Variants in GRID1 observed in about 807,000 individuals in gnomAD.
GRID1 encodes glutamate receptor ionotropic, delta-1.
A neutral mutation model predicts 98.0 loss-of-function variants in GRID1; 28 were observed. The ratio of observed to expected loss-of-function variants is 0.29; its 90% CI spans 0.21 to 0.39. The LOEUF is 0.39. GRID1 is among the 10% of genes least tolerant of loss of function. The pLI is 1.00. For missense variants in GRID1, 1,111 were observed against 1,340.5 expected, an observed-to-expected ratio of 0.83 and a Z score of 2.67; for synonymous variants, 553 against 538.5, an observed-to-expected ratio of 1.03 and a Z score of -0.37.
intron 2 of GRID1, among the ~76,000 whole-genome samples, chr10:86,225,146 G>A (rs1309368064): frequency 3.3e-5 from 5 of 152,188 alleles, no homozygotes; most frequent in Non-Finnish European, 4.4e-5. Flanking sequence ...GAAGACAGAG[G>A]GGCGGGGAGG....
intron 13 of GRID1, among the ~76,000 whole-genome samples, chr10:85,634,932 C>T (rs946690585): frequency 3.8e-5 from 5 of 131,260 alleles, no homozygotes; most frequent in African/African-American, 1.4e-4. Context: ...CCCACATTTA[C>T]AGCCAGCACT....
chr10:85,930,695 T>C (rs1037469454), intron 4 of GRID1, among the ~76,000 whole-genome samples: 2 of 152,200 alleles, frequency 1.3e-5, no homozygotes, highest in African/African-American at 2.4e-5. Context: ...AGATTCACAG[T>C]GTGTAAGTTT....
At chr10:86,100,994 G>A (rs1340807119) in intron 4 of GRID1, among the ~76,000 whole-genome samples, 1 of 152,160 alleles carries the variant, frequency 6.6e-6, no homozygotes, top group East Asian at 1.9e-4. Context: ...GGTCACTGGT[G>A]ACTGATAGGG....
chr10:85,743,815 C>CT (rs1258944296), intron 8 of GRID1, among the ~76,000 whole-genome samples: 1 of 152,056 alleles, frequency 6.6e-6, no homozygotes, highest in Non-Finnish European at 1.5e-5. Flanking sequence ...ACTGGTGAAT[C>CT]TAACTACTGA....
rs543932966 is a variant in GRID1, at chr10:85,626,918, A to G, written c.2194-6885T>C. On this transcript the variant is annotated intron_variant, in intron 13 of 15. Transcript: ENST00000327946. ...AGAATTGAATGTTTTTAAAATGTGT[A>G]CATGCAGCGATTCTACCCGTGGGAT... 2.0e-5 allele frequency among the ~76,000 whole-genome samples: 3 copies of G among 152,320 alleles called. No individual in the cohort carries two copies. In the South Asian group the frequency reaches 6.2e-4, roughly 32 times the overall value.
intron 4 of GRID1, among the ~76,000 whole-genome samples, chr10:86,081,274 G>A (rs2131930501): frequency 6.6e-6 from 1 of 152,282 alleles, no homozygotes; most frequent in South Asian, 2.1e-4. Context: ...ATGCAAAGAG[G>A]GCCGTGCAGA....
chr10:86,042,221 C>T (rs1272587761), intron 4 of GRID1, among the ~76,000 whole-genome samples: 1 of 152,236 alleles, frequency 6.6e-6, no homozygotes, highest in Non-Finnish European at 1.5e-5. Context: ...CGCAATCCCC[C>T]CTGGGACAGA....
At chr10:85,927,112 C>A (rs1402287643) in intron 4 of GRID1, among the ~76,000 whole-genome samples, 1 of 152,176 alleles carries the variant, frequency 6.6e-6, no homozygotes, top group Non-Finnish European at 1.5e-5. Flanking sequence ...TCCTGCCTTG[C>A]AAGTTAGGAC....
chr10:85,979,160 A>T (rs1383357723), intron 4 of GRID1, among the ~76,000 whole-genome samples: 1 of 152,122 alleles, frequency 6.6e-6, no homozygotes, highest in Non-Finnish European at 1.5e-5. Flanking sequence ...TGCACAGAGG[A>T]AAGCCCTGCG....
chr10:86,001,054 A>G (rs903214789), intron 4 of GRID1, among the ~76,000 whole-genome samples: 9 of 152,216 alleles, frequency 5.9e-5, no homozygotes, highest in African/African-American at 1.9e-4. Context: ...ATGTGGATGA[A>G]TCTAAAAGGC....
intron 15 of GRID1, among the ~76,000 whole-genome samples, chr10:85,604,257 G>A (rs1378046290): frequency 1.3e-5 from 2 of 152,194 alleles, no homozygotes; most frequent in African/African-American, 4.8e-5. Flanking sequence ...GGCTTCTGAT[G>A]AGACACCTGC....
intron 8 of GRID1, among the ~76,000 whole-genome samples, chr10:85,732,468 A>C (rs1268385028): frequency 2.0e-5 from 3 of 152,210 alleles, no homozygotes; most frequent in Non-Finnish European, 4.4e-5. Flanking sequence ...CATCTTGATC[A>C]ACAAGGCTTT....
At chr10:86,009,140 G>A (rs564951749) in intron 4 of GRID1, among the ~76,000 whole-genome samples, 7 of 150,372 alleles carry the variant, frequency 4.7e-5, no homozygotes, top group African/African-American at 1.5e-4. Context: ...ACTTATAACC[G>A]AAAAAAAAAG....
intron 2 of GRID1, among the ~76,000 whole-genome samples, chr10:86,292,644 G>T (rs956603970): frequency 6.6e-6 from 1 of 152,142 alleles, no homozygotes; most frequent in Non-Finnish European, 1.5e-5. Flanking sequence ...AGGCATTTCC[G>T]TGTGTGCATG....
intron 3 of GRID1, among the ~76,000 whole-genome samples, chr10:86,188,808 A>G (rs1466722715): frequency 2.6e-5 from 4 of 152,218 alleles, no homozygotes; most frequent in Non-Finnish European, 5.9e-5. Flanking sequence ...GGATGGTGCC[A>G]GTGTTATCTC....
intron 3 of GRID1, among the ~76,000 whole-genome samples, chr10:86,183,608 C>T (rs1044776717): frequency 2.0e-5 from 3 of 152,224 alleles, no homozygotes; most frequent in African/African-American, 7.2e-5. Context: ...ATCCACCTGC[C>T]TCAGCCTCCC....
At chr10:85,741,843 C>T (rs141282802) in intron 8 of GRID1, among the ~76,000 whole-genome samples, 6 of 151,988 alleles carry the variant, frequency 3.9e-5, no homozygotes, top group Non-Finnish European at 8.8e-5. Context: ...ACACTGGCCA[C>T]CTTTCACTTT....
At chr10:86,036,833 G>T (rs1388410752) in intron 4 of GRID1, among the ~76,000 whole-genome samples, 1 of 152,160 alleles carries the variant, frequency 6.6e-6, no homozygotes, top group African/African-American at 2.4e-5. Flanking sequence ...TCTGCAGCCT[G>T]GAGGGAACAC....
At chr10:86,246,322 T>C (rs1438157694) in intron 2 of GRID1, among the ~76,000 whole-genome samples, 4 of 152,242 alleles carry the variant, frequency 2.6e-5, no homozygotes, top group South Asian at 2.1e-4. Flanking sequence ...CTGGGCTCCC[T>C]GAGGGCCCTG....
Sources: allele counts gnomAD v4.1 joint callset (sites outside exome capture counted in the v4.1 genomes callset), GRCh38; gene constraint gnomAD v4.1.1; transcripts MANE v1.5; gene names NCBI Gene and HGNC (gene_info 2026-07-23, HGNC 2026-07-21).